Variants in TENM2 observed in about 807,000 individuals in gnomAD.
TENM2 encodes the protein teneurin transmembrane protein 2, also known as teneurin-2.
A neutral mutation model predicts 245.2 loss-of-function variants in TENM2; 52 were observed. The observed-to-expected ratio is 0.21, with a 90% CI of 0.17 to 0.27. The LOEUF (loss-of-function observed/expected upper bound fraction) is 0.27. Ranked by LOEUF, TENM2 falls within the 10% of genes least tolerant of loss-of-function variation. The pLI is 1.00. For synonymous variants in TENM2, 1,363 were observed against 1,438.9 expected (o/e 0.95, Z 1.19); for missense variants, 3,046 against 3,666.8 (o/e 0.83, Z 4.37).
chr5:167,177,488 A>G, the TENM2 span, among the ~76,000 whole-genome samples: 1 of 152,200 alleles, frequency 6.6e-6, no homozygotes, highest in Non-Finnish European at 1.5e-5. Context: ...ATTTACTTGC[A>G]TGTATTCCCT....
rs140530638 is a variant in TENM2, at chr5:167,634,382, G to C, written c.503-241604G>C. 1.8e-3 allele frequency among the ~76,000 whole-genome samples: 277 copies of C among 152,208 alleles called. 1 individual carries two copies. Among genetic ancestry groups the C allele is most frequent in the African/African-American group, 6.2e-3 (259 of 41,526 alleles). On this transcript the variant is annotated intron_variant, in intron 2 of 28. Transcript: ENST00000518659. The stretch of plus-strand genomic sequence containing the variant: ...TAGGAATTCTCTATTTGTAGTTTTA[G>C]GGTGTACTTAAAAGAATTGCAGTTA...
chr5:167,922,837 C>G (rs1309581868), intron 3 of TENM2, among the ~76,000 whole-genome samples: 3 of 152,368 alleles, frequency 2.0e-5, no homozygotes, highest in Non-Finnish European at 4.4e-5. Context: ...GATCCATCAG[C>G]ATTTGTCTTC....
chr5:167,886,463 A>G (rs1774299785), intron 3 of TENM2, among the ~76,000 whole-genome samples: 1 of 152,220 alleles, frequency 6.6e-6, no homozygotes, highest in Non-Finnish European at 1.5e-5. Flanking sequence ...GGGCAGATAG[A>G]GGAAAAAGCC....
intron 4 of TENM2, among the ~76,000 whole-genome samples, chr5:167,982,190 T>C (rs1425653107): frequency 1.3e-5 from 2 of 152,134 alleles, no homozygotes; most frequent in African/African-American, 4.8e-5. Context: ...CTTCATATGG[T>C]CAGTTACTTC....
At chr5:167,503,718 A>G (rs544830133) in intron 2 of TENM2, among the ~76,000 whole-genome samples, 100 of 152,172 alleles carry the variant, frequency 6.6e-4, no homozygotes, top group South Asian at 6.0e-3. Context: ...ACACGGCAGA[A>G]ACCCATTTCT....
intron 1 of TENM2, among the ~76,000 whole-genome samples, chr5:167,358,580 C>T (rs1466651012): frequency 6.6e-6 from 1 of 151,784 alleles, no homozygotes; most frequent in Non-Finnish European, 1.5e-5. Flanking sequence ...AGGAAAGTGA[C>T]CCGGGGCTCA....
At chr5:168,123,315 A>T (rs1795609849) in intron 10 of TENM2, among the ~76,000 whole-genome samples, 1 of 152,138 alleles carries the variant, frequency 6.6e-6, no homozygotes, top group African/African-American at 2.4e-5. Context: ...CAAACAAACA[A>T]ACAAAAAAGG....
At chr5:167,126,669 A>C in the TENM2 span, among the ~76,000 whole-genome samples, 5 of 152,166 alleles carry the variant, frequency 3.3e-5, no homozygotes, top group East Asian at 1.9e-4. Flanking sequence ...CACCAGATAG[A>C]TCTGCTTGGA....
At chr5:167,386,876 T>A (rs1027786973) in intron 2 of TENM2, among the ~76,000 whole-genome samples, 1 of 152,154 alleles carries the variant, frequency 6.6e-6, no homozygotes, top group African/African-American at 2.4e-5. Context: ...ATATACCTAT[T>A]TTTATACCAG....
the TENM2 span, among the ~76,000 whole-genome samples, chr5:167,077,854 A>G: frequency 2.0e-5 from 3 of 152,186 alleles, no homozygotes; most frequent in Non-Finnish European, 4.4e-5. Context: ...GGCTCACTTT[A>G]CTAGTATAAA....
At chr5:166,985,730 C>T in the TENM2 span, among the ~76,000 whole-genome samples, 19 of 152,042 alleles carry the variant, frequency 1.2e-4, no homozygotes, top group African/African-American at 2.4e-4. Context: ...GTGTGGAAAA[C>T]GGTCAATCAT....
intron 2 of TENM2, among the ~76,000 whole-genome samples, chr5:167,695,428 T>TA (rs1182093602): frequency 6.6e-6 from 1 of 152,076 alleles, no homozygotes; most frequent in Non-Finnish European, 1.5e-5. Flanking sequence ...TTTTAGCCAT[T>TA]AAAAAAATAT....
chr5:167,818,725 G>T (rs1309197298), intron 2 of TENM2, among the ~76,000 whole-genome samples: 2 of 152,130 alleles, frequency 1.3e-5, no homozygotes, highest in African/African-American at 4.8e-5. Flanking sequence ...ATTGGAAAAA[G>T]ATATAATTTT....
chr5:167,415,810 G>A (rs761197055), intron 2 of TENM2, among the ~76,000 whole-genome samples: 7 of 152,166 alleles, frequency 4.6e-5, no homozygotes, highest in South Asian at 2.1e-4. Flanking sequence ...TATCCTCTTC[G>A]CCGTGGTACA....
chr5:167,634,919 A>C (rs1461410198), intron 2 of TENM2, among the ~76,000 whole-genome samples: 2 of 152,202 alleles, frequency 1.3e-5, no homozygotes, highest in Non-Finnish European at 2.9e-5. Context: ...ATAACTAAAA[A>C]TTTAAGCATT....
At chr5:167,794,280 A>G (rs955375267) in intron 2 of TENM2, among the ~76,000 whole-genome samples, 2 of 152,170 alleles carry the variant, frequency 1.3e-5, no homozygotes, top group African/African-American at 2.4e-5. Flanking sequence ...TACTTTGGGC[A>G]TGACAAATTA....
chr5:168,005,928 A>G (rs2152060579), intron 5 of TENM2, among the ~76,000 whole-genome samples: 1 of 152,316 alleles, frequency 6.6e-6, no homozygotes, highest in South Asian at 2.1e-4. Context: ...TCACTGTAGT[A>G]TATATGGTAT....
intron 1 of TENM2, among the ~76,000 whole-genome samples, chr5:167,321,612 G>A (rs975974779): frequency 1.3e-5 from 2 of 152,000 alleles, no homozygotes; most frequent in Non-Finnish European, 1.5e-5. Flanking sequence ...AAGGTAGAAG[G>A]GGAGCAAAGC....
intron 2 of TENM2, among the ~76,000 whole-genome samples, chr5:167,549,872 A>C (rs1417537066): frequency 2.6e-5 from 4 of 152,076 alleles, no homozygotes; most frequent in Non-Finnish European, 5.9e-5. Flanking sequence ...CTCCTTTAAA[A>C]CTATTGCCAG....
Sources: allele counts gnomAD v4.1 joint callset (sites outside exome capture counted in the v4.1 genomes callset), GRCh38; gene constraint gnomAD v4.1.1; transcripts MANE v1.5; gene names NCBI Gene and HGNC (gene_info 2026-07-23, HGNC 2026-07-21).